The following TASP1 variants were observed in gnomAD, a reference collection of about 807,000 sequenced individuals.
TASP1 encodes the protein taspase 1, also known as threonine aspartase 1.
TASP1 carries 16 observed loss-of-function variants against 56.6 expected under a neutral mutation model. That is an observed-to-expected ratio of 0.28 (90% CI 0.19 to 0.43). The LOEUF is 0.43. Ranked by LOEUF, TASP1 falls within the 20% of genes least tolerant of loss-of-function variation. The pLI is 1.00. For missense variants in TASP1, 393 were observed against 511.6 expected (o/e 0.77, Z 2.24); for synonymous variants, 179 against 184.2 (o/e 0.97, Z 0.23).
chr20:13,124,442 A>G, the TASP1 span, among the ~76,000 whole-genome samples: 10 of 152,056 alleles, frequency 6.6e-5, no homozygotes, highest in African/African-American at 2.4e-4. Flanking sequence ...TGAAATGAAA[A>G]GAGAGAGAAC....
the TASP1 span, among the ~76,000 whole-genome samples, chr20:13,257,843 C>A: frequency 7.2e-5 from 11 of 152,070 alleles, no homozygotes; most frequent in African/African-American, 2.7e-4. Flanking sequence ...ATTCTGGAGC[C>A]GAGCAGCATT....
the TASP1 span, among the ~76,000 whole-genome samples, chr20:13,372,622 A>G: frequency 6.6e-6 from 1 of 151,746 alleles, no homozygotes; most frequent in African/African-American, 2.4e-5. Flanking sequence ...CTAATACAAC[A>G]TCTAATGTTA....
At chr20:13,580,164 G>A (rs1335366425) in intron 6 of TASP1, among the ~76,000 whole-genome samples, 1 of 152,182 alleles carries the variant, frequency 6.6e-6, no homozygotes, top group African/African-American at 2.4e-5. Context: ...ATACTATAGG[G>A]GCCAGGCACA....
chr20:13,587,464 G>A (rs1269039460), intron 4 of TASP1, 94 bp from the exon 5 acceptor site: 6 of 1,066,210 alleles, frequency 5.6e-6, no homozygotes, highest in Admixed American at 2.8e-5. Flanking sequence ...TAGAAGGTGA[G>A]AGAATACTTT....
At chr20:13,421,953 CTTTT>C (rs1179688722) in intron 12 of TASP1, among the ~76,000 whole-genome samples, 1 of 139,034 alleles carries the variant, frequency 7.2e-6, no homozygotes, top group Non-Finnish European at 1.5e-5. Context: ...TCTGTTTAAC[CTTTT>C]TTTTTTTTTT....
chr20:13,338,473 G>C, the TASP1 span, among the ~76,000 whole-genome samples: 1 of 152,134 alleles, frequency 6.6e-6, no homozygotes, highest in Non-Finnish European at 1.5e-5. Context: ...GACCTCCTGG[G>C]AATGCAGCCC....
the TASP1 span, among the ~76,000 whole-genome samples, chr20:13,326,493 T>C: frequency 1.8e-4 from 27 of 152,100 alleles, 1 homozygote; most frequent in African/African-American, 5.1e-4. Context: ...TACATACACA[T>C]ACTCAGTTGC....
the TASP1 span, chr20:13,160,153 C>T: frequency 9.3e-6 from 15 of 1,608,962 alleles, no homozygotes; most frequent in South Asian, 6.6e-5. Context: ...CACAGGCCAA[C>T]GGGATCTCAG....
intron 11 of TASP1, among the ~76,000 whole-genome samples, chr20:13,451,089 A>G (rs552246717): frequency 7.9e-5 from 12 of 152,228 alleles, no homozygotes; most frequent in African/African-American, 2.9e-4. Context: ...ACTATTTTGA[A>G]AGGAATATTT....
At chr20:13,164,224 C>A in the TASP1 span, 1 of 396,478 alleles carries the variant, frequency 2.5e-6, no homozygotes, top group East Asian at 7.7e-5. Flanking sequence ...AGTTCTCAGT[C>A]CCTGTGAGTT....
chr20:13,385,488 A>AGGAGGAGAGCCCCAGTGAG (rs2041157290), downstream of TASP1, among the ~76,000 whole-genome samples: 1 of 152,216 alleles, frequency 6.6e-6, no homozygotes, highest in Non-Finnish European at 1.5e-5. Flanking sequence ...TGCACATGTC[A>AGGAGGAGAGCCCCAGTGAG]GGAGGAGAGC....
the TASP1 span, among the ~76,000 whole-genome samples, chr20:13,347,332 T>A: frequency 1.3e-5 from 2 of 152,190 alleles, no homozygotes; most frequent in African/African-American, 2.4e-5. Flanking sequence ...ATTGGTCACA[T>A]TAACACACAA....
intron 13 of TASP1, chr20:13,393,637 T>C: frequency 7.8e-7 from 1 of 1,288,820 alleles, no homozygotes; most frequent in Non-Finnish European, 1.1e-6. Context: ...AGCAATATGG[T>C]GGTGGACCTC....
At chr20:13,628,620 G>A (rs1422555189) in intron 2 of TASP1, among the ~76,000 whole-genome samples, 1 of 152,222 alleles carries the variant, frequency 6.6e-6, no homozygotes, top group South Asian at 2.1e-4. Context: ...GGCCAGGCAG[G>A]ACACCAGTCT....
the TASP1 span, among the ~76,000 whole-genome samples, chr20:13,263,268 G>A: frequency 1.3e-5 from 2 of 152,128 alleles, no homozygotes; most frequent in African/African-American, 4.8e-5. Context: ...TCTTCACAGT[G>A]CAGTTTTTCC....
intron 4 of TASP1, among the ~76,000 whole-genome samples, chr20:13,605,446 G>A (rs543303217): frequency 6.6e-6 from 1 of 152,268 alleles, no homozygotes; most frequent in African/African-American, 2.4e-5. Flanking sequence ...TGGAGGCTGA[G>A]ACAGGAGGAT....
chr20:13,233,379 T>C, the TASP1 span, among the ~76,000 whole-genome samples: 4,803 of 152,094 alleles, frequency 0.032, 260 homozygotes, highest in African/African-American at 0.11. Context: ...GTGGATCACC[T>C]GAGGTCGGGA....
the TASP1 span, among the ~76,000 whole-genome samples, chr20:13,114,451 T>C: frequency 6.6e-6 from 1 of 152,324 alleles, no homozygotes; most frequent in Admixed American, 6.5e-5. Flanking sequence ...TAAACTAGCA[T>C]AGCTGGAGCA....
intron 4 of TASP1, among the ~76,000 whole-genome samples, chr20:13,622,013 T>G (rs980825039): frequency 1.1e-4 from 16 of 152,188 alleles, no homozygotes; most frequent in Admixed American, 1.0e-3. Flanking sequence ...CTTATGTCAT[T>G]TTTCTCCTCT....
Sources: allele counts gnomAD v4.1 joint callset (sites outside exome capture counted in the v4.1 genomes callset), GRCh38; gene constraint gnomAD v4.1.1; transcripts MANE v1.5; gene names NCBI Gene and HGNC (gene_info 2026-07-23, HGNC 2026-07-21).